The following ADGRL3 variants were observed in gnomAD, a reference collection of about 807,000 sequenced individuals.
ADGRL3 encodes adhesion G protein-coupled receptor L3.
ADGRL3 carries 62 observed loss-of-function variants against 153.5 expected under a neutral mutation model. That is an observed-to-expected ratio of 0.40 (90% CI 0.33 to 0.50). ADGRL3 has a LOEUF of 0.50. ADGRL3 is among the 20% of genes least tolerant of loss of function. The pLI is 0.47. For synonymous variants in ADGRL3, 710 were observed against 672.5 expected (o/e 1.06, Z -0.86); for missense variants, 1,641 against 1,859.4 (o/e 0.88, Z 2.16).
chr4:61,541,295 G>C (rs1415443509), intron 4 of ADGRL3, among the ~76,000 whole-genome samples: 1 of 151,550 alleles, frequency 6.6e-6, no homozygotes, highest in East Asian at 1.9e-4. Flanking sequence ...ACTGAAAACA[G>C]CTGGCTGTCA....
At chr4:61,533,952 T>C (rs888410635) in intron 4 of ADGRL3, among the ~76,000 whole-genome samples, 6 of 152,158 alleles carry the variant, frequency 3.9e-5, no homozygotes, top group Non-Finnish European at 5.9e-5. Context: ...TATGGGTATA[T>C]TGTGTGATGG....
At chr4:61,546,853 T>C (rs2098716008) in intron 4 of ADGRL3, among the ~76,000 whole-genome samples, 1 of 152,208 alleles carries the variant, frequency 6.6e-6, no homozygotes, top group South Asian at 2.1e-4. Context: ...AAAAAAGTTA[T>C]TCACATCACT....
At chr4:61,318,204 A>AC (rs1253908798) in intron 1 of ADGRL3, among the ~76,000 whole-genome samples, 3 of 119,926 alleles carry the variant, frequency 2.5e-5, no homozygotes, top group African/African-American at 3.5e-5. Flanking sequence ...AAAAAAAAAA[A>AC]AAAAAAAAAA....
intron 2 of ADGRL3, among the ~76,000 whole-genome samples, chr4:61,472,390 G>T (rs1457467721): frequency 1.3e-5 from 2 of 152,052 alleles, no homozygotes; most frequent in Non-Finnish European, 2.9e-5. Flanking sequence ...CTGTTGGCCA[G>T]GGCGGCAGTC....
At chr4:61,670,302 A>T (rs1012083250) in intron 5 of ADGRL3, among the ~76,000 whole-genome samples, 2 of 151,968 alleles carry the variant, frequency 1.3e-5, no homozygotes, top group Non-Finnish European at 2.9e-5. Flanking sequence ...AAAAATATAT[A>T]TATATATTAT....
intron 1 of ADGRL3, among the ~76,000 whole-genome samples, chr4:61,321,007 A>G (rs1260755788): frequency 6.6e-6 from 1 of 152,128 alleles, no homozygotes; most frequent in Non-Finnish European, 1.5e-5. Flanking sequence ...GGTCTGTCTC[A>G]TACTGCCTTC....
intron 5 of ADGRL3, among the ~76,000 whole-genome samples, chr4:61,644,934 G>A (rs1330791020): frequency 1.3e-5 from 2 of 151,868 alleles, no homozygotes; most frequent in African/African-American, 4.8e-5. Flanking sequence ...CTCTTTGTAG[G>A]TCACTCAGGA....
chr4:61,347,917 A>G (rs973455499), intron 1 of ADGRL3, among the ~76,000 whole-genome samples: 3 of 151,938 alleles, frequency 2.0e-5, no homozygotes, highest in African/African-American at 7.2e-5. Flanking sequence ...CTATATTCAC[A>G]TTTTTTTCTT....
At chr4:62,004,373 A>G (rs191807988) in intron 21 of ADGRL3, among the ~76,000 whole-genome samples, 4 of 152,088 alleles carry the variant, frequency 2.6e-5, no homozygotes, top group Admixed American at 6.6e-5. Flanking sequence ...TCTGAGTTGT[A>G]TAGTAAATAA....
At chr4:61,437,428 T>C (rs1204907069) in intron 2 of ADGRL3, among the ~76,000 whole-genome samples, 2 of 152,170 alleles carry the variant, frequency 1.3e-5, no homozygotes, top group African/African-American at 4.8e-5. Context: ...CAGGATAAAT[T>C]GGGCCCCTCC....
intron 21 of ADGRL3, among the ~76,000 whole-genome samples, chr4:62,011,289 CAATT>C (rs756590140): frequency 1.9e-4 from 29 of 152,108 alleles, no homozygotes; most frequent in Admixed American, 5.2e-4. Flanking sequence ...TCAAGGAACA[CAATT>C]AAACTTGGGA....
At position 61,200,349 on chromosome 4, in the gene ADGRL3, G is replaced by A. The variant is rs978015576; in HGVS notation, c.-1656G>A. 8.7e-5 allele frequency among the ~76,000 whole-genome samples: 13 copies of A among 150,026 alleles called. No individual in the cohort carries two copies. The highest frequency in any genetic ancestry group is 7.3e-4 in the Admixed American group (11 of 15,136). Reference sequence around the variant, plus strand: ...TCATTCTGGCCTCCGCTCCGGCCCCGGCTGCGCCTACCCCGCGCGCAGGCT... The same window carrying A: ...TCATTCTGGCCTCCGCTCCGGCCCCAGCTGCGCCTACCCCGCGCGCAGGCT... On this transcript the variant is annotated 5_prime_UTR_variant, in exon 1 of 27. Coordinates refer to ENST00000683033, the MANE Select transcript of ADGRL3 (RefSeq NM_001387552.1).
At chr4:61,985,868 G>T (rs536632931) in intron 19 of ADGRL3, among the ~76,000 whole-genome samples, 2 of 148,452 alleles carry the variant, frequency 1.3e-5, no homozygotes, top group African/African-American at 5.0e-5. Flanking sequence ...TGATTTTTCT[G>T]TTGATTCCAG....
intron 4 of ADGRL3, among the ~76,000 whole-genome samples, chr4:61,532,552 G>C (rs2098628155): frequency 2.1e-5 from 1 of 48,420 alleles, no homozygotes; most frequent in South Asian, 5.0e-4. Flanking sequence ...GCGCGCGCGC[G>C]CGCGTGTGTG....
chr4:61,806,099 G>A (rs568360348), intron 8 of ADGRL3, among the ~76,000 whole-genome samples: 8 of 152,164 alleles, frequency 5.3e-5, no homozygotes, highest in South Asian at 4.1e-4. Context: ...GAGCTCTTAC[G>A]ATGTCTAAGA....
chr4:61,479,127 A>G (rs868809275), intron 2 of ADGRL3, among the ~76,000 whole-genome samples: 203 of 152,122 alleles, frequency 1.3e-3, no homozygotes, highest in African/African-American at 4.6e-3. Flanking sequence ...TCAACTCTAG[A>G]CAAAAGTATC....
At chr4:61,600,634 C>A (rs2099007595) in intron 5 of ADGRL3, among the ~76,000 whole-genome samples, 1 of 152,136 alleles carries the variant, frequency 6.6e-6, no homozygotes, top group Admixed American at 6.6e-5. Flanking sequence ...AAGGATAGCA[C>A]CAGAGTGCCA....
At chr4:61,478,508 A>C (rs929795763) in intron 2 of ADGRL3, among the ~76,000 whole-genome samples, 17 of 152,090 alleles carry the variant, frequency 1.1e-4, no homozygotes, top group African/African-American at 4.1e-4. Flanking sequence ...AAACTTCTCC[A>C]TTAGATTAAC....
chr4:61,649,253 T>G (rs772024380), intron 5 of ADGRL3, among the ~76,000 whole-genome samples: 3 of 152,232 alleles, frequency 2.0e-5, no homozygotes, highest in Non-Finnish European at 2.9e-5. Context: ...GTTTATAAAT[T>G]TTTAAGATAG....
Sources: allele counts gnomAD v4.1 joint callset (sites outside exome capture counted in the v4.1 genomes callset), GRCh38; gene constraint gnomAD v4.1.1; transcripts MANE v1.5; gene names NCBI Gene and HGNC (gene_info 2026-07-23, HGNC 2026-07-21).